The following TPGS2 variants were observed in gnomAD, a reference collection of about 807,000 sequenced individuals.
TPGS2 encodes polyglutamylase subunit 2.
TPGS2 carries 26 observed loss-of-function variants against 31.1 expected under a neutral mutation model. The ratio of observed to expected loss-of-function variants is 0.84; its 90% CI spans 0.61 to 1.16. The LOEUF is 1.16. TPGS2 is among the 50% of genes most tolerant of loss of function. TPGS2 has a pLI of 0.00. For missense variants in TPGS2, 351 were observed against 363.8 expected (o/e 0.96, Z 0.29); for synonymous variants, 130 against 136.6 (o/e 0.95, Z 0.34).
chr18:36,798,607 A>C lies in TPGS2; in HGVS notation c.499T>G (p.Leu167Val). ...CLVYKSGKPALAEDTEIWFLD... is the reference protein window; with the variant it reads ...CLVYKSGKPAVAEDTEIWFLD... ...AACCAGATCTCAGTGTCTTCTGCTA[A>C]TGCTGAAGTAGAAGACAAAGGAAGT... The change falls in exon 6 of 7, where the codon TTA becomes GTA. Residue 167 changes from leucine to valine, a missense_variant and splice_region_variant. Transcript: ENST00000334295. 1 of 1,612,694 alleles carries C rather than the reference A, an allele frequency of 6.2e-7. No individual in the cohort carries two copies. Among genetic ancestry groups the C allele is most frequent in the South Asian group, 1.1e-5 (1 of 90,970 alleles).
chr18:36,786,882 C>T (rs1030882651), intron 6 of TPGS2: 38 of 1,234,210 alleles, frequency 3.1e-5, no homozygotes, highest in Middle Eastern at 2.1e-4. Flanking sequence ...GGAATGATTG[C>T]GACACTGTTG....
chr18:36,822,785 A>G (rs555344255), intron 1 of TPGS2, among the ~76,000 whole-genome samples: 5 of 152,054 alleles, frequency 3.3e-5, no homozygotes, highest in Non-Finnish European at 5.9e-5. Flanking sequence ...TTTTGTAGAG[A>G]CAGGGGTCTC....
rs751981137 is a variant in TPGS2 at position 36,795,147 on chromosome 18, C to G, written c.*1658G>C. On this transcript the variant is annotated 3_prime_UTR_variant, in exon 7 of 7. Transcript: ENST00000334295. ...GGAAAGTGGTAGGTGGAGGAGATATCGAAGGCGCTTTCTCATGAATATCTA... is the reference window on the plus strand; with the variant it reads ...GGAAAGTGGTAGGTGGAGGAGATATGGAAGGCGCTTTCTCATGAATATCTA... 2 of 985,248 alleles carry G rather than the reference C, an allele frequency of 2.0e-6. No homozygotes were observed. The highest frequency in any genetic ancestry group is 6.1e-5 in the Admixed American group (1 of 16,264). The allele number at this position is 985,248 out of a possible 1,614,324, so 61.0% of individuals were successfully genotyped here.
At chr18:36,786,734 G>T (rs2044140059) in intron 6 of TPGS2, 1 of 1,109,686 alleles carries the variant, frequency 9.0e-7, no homozygotes, top group Non-Finnish European at 1.1e-6. Flanking sequence ...TCCTGTTATG[G>T]TCAGAAACTC....
Position 36,807,896 on chromosome 18 carries a change from A to G in TPGS2, c.204T>C (p.Phe68=), listed in dbSNP as rs1177198827. 1.9e-6 allele frequency: 3 copies of G among 1,614,032 alleles called. No homozygotes were observed. Among genetic ancestry groups the G allele is most frequent in the African/African-American group, 2.7e-5 (2 of 74,922 alleles). Residue 68 remains phenylalanine, a synonymous_variant, in exon 3 of 7, where the codon TTT becomes TTC. Coordinates refer to ENST00000334295, the MANE Select transcript of TPGS2 (RefSeq NM_015476.4). ...TGTGGAAGCCATTGGTCATCAGGTA[A>G]AAGTTCTTCACATCTTCAGGCATCA... is the stretch of plus-strand genomic sequence containing the variant. The part of the protein sequence containing the change: ...NCVMPEDVKN[F]YLMTNGFHMT...
Position 36,796,560 on chromosome 18 carries a change from T to C in TPGS2, c.*245A>G. 7.7e-7 allele frequency: 1 copy of C among 1,306,888 alleles called. No homozygotes were observed. The highest frequency in any genetic ancestry group is 2.3e-5 in the South Asian group (1 of 43,760). The allele number at this position is 1,306,888 out of a possible 1,614,324, so 81.0% of individuals were successfully genotyped here. A position where few individuals can be genotyped will look rare whatever the true frequency, so the allele number is the denominator to read the frequency against. On this transcript the variant is annotated 3_prime_UTR_variant, in exon 7 of 7. Transcript: ENST00000334295. ...TGAAGAAGAGGAAAGCACTCAGACT[T>C]ATTTGGGCACTTACACAAGATTCCA...
chr18:36,818,793 T>A (rs1229738206), intron 2 of TPGS2, 101 bp downstream of exon 2: 1 of 1,064,252 alleles, frequency 9.4e-7, no homozygotes, highest in Admixed American at 2.2e-5. Context: ...AAAGCAGCTG[T>A]GGTCTGAGTA....
At chr18:36,805,672 C>T (rs535625339) in intron 3 of TPGS2, among the ~76,000 whole-genome samples, 170 bp from the exon 4 acceptor site, 15 of 152,188 alleles carry the variant, frequency 9.9e-5, no homozygotes, top group Middle Eastern at 3.4e-3. Flanking sequence ...TCCAAAGTAC[C>T]AACCTTTCAT....
At chr18:36,801,756 CTT>C (rs35090131) in intron 4 of TPGS2, among the ~76,000 whole-genome samples, 18,321 of 152,078 alleles carry the variant, frequency 0.12, 1,360 homozygotes, top group Admixed American at 0.17. Context: ...ATGATTTTCT[CTT>C]TATCTTTGAT....
chr18:36,815,279 G>C (rs1245113963), intron 2 of TPGS2, among the ~76,000 whole-genome samples: 2 of 152,208 alleles, frequency 1.3e-5, no homozygotes, highest in East Asian at 3.9e-4. Context: ...AGTGAGACAA[G>C]CGAGTTACAG....
At chr18:36,815,409 T>A (rs1268923912) in intron 2 of TPGS2, among the ~76,000 whole-genome samples, 1 of 152,178 alleles carries the variant, frequency 6.6e-6, no homozygotes, top group Non-Finnish European at 1.5e-5. Context: ...TTAAACTTTT[T>A]GGGGTTATGA....
intron 6 of TPGS2, among the ~76,000 whole-genome samples, chr18:36,797,276 G>C (rs1250897598): frequency 6.6e-6 from 1 of 152,126 alleles, no homozygotes; most frequent in Non-Finnish European, 1.5e-5. Flanking sequence ...GGACCTTTAA[G>C]ATAAATGCAG....
chr18:36,796,278 G>A lies in TPGS2; in HGVS notation c.*527C>T. The A allele has an allele frequency of 1.2e-5, 12 of 985,040 alleles. No individual in the cohort carries two copies. The highest frequency in any genetic ancestry group is 1.4e-5 in the Non-Finnish European group (12 of 829,560). The allele number at this position is 985,040 out of a possible 1,614,324, so 61.0% of individuals were successfully genotyped here. ...TATTCTAATGCAGTGCTGTCCAACAGAACTTTCTGTGGTGATGGAAATGTT... is the reference window on the plus strand; with the variant it reads ...TATTCTAATGCAGTGCTGTCCAACAAAACTTTCTGTGGTGATGGAAATGTT... On this transcript the variant is annotated 3_prime_UTR_variant, in exon 7 of 7. Coordinates refer to ENST00000334295, the MANE Select transcript of TPGS2 (RefSeq NM_015476.4).
At chr18:36,819,457 T>C (rs1435621748) in intron 1 of TPGS2, among the ~76,000 whole-genome samples, 1 of 152,160 alleles carries the variant, frequency 6.6e-6, no homozygotes, top group Non-Finnish European at 1.5e-5. Context: ...TGGGTTAACA[T>C]AAAAAATGGA....
intron 2 of TPGS2, among the ~76,000 whole-genome samples, chr18:36,815,982 C>T (rs888266753): frequency 6.6e-6 from 1 of 152,122 alleles, no homozygotes; most frequent in African/African-American, 2.4e-5. Flanking sequence ...TGCACGACCA[C>T]ACCTTGTTTG....
intron 1 of TPGS2, among the ~76,000 whole-genome samples, chr18:36,821,426 T>C (rs965880243): frequency 2.0e-5 from 3 of 152,208 alleles, no homozygotes; most frequent in African/African-American, 7.2e-5. Flanking sequence ...AGTTAATTGT[T>C]GTTTCAAGCA....
chr18:36,816,847 T>C (rs1473675785), intron 2 of TPGS2, among the ~76,000 whole-genome samples: 1 of 152,178 alleles, frequency 6.6e-6, no homozygotes, highest in African/African-American at 2.4e-5. Flanking sequence ...GACCTCGTGA[T>C]CTGCCTGCCT....
In TPGS2 at chr18:36,786,890, T is replaced by C. The variant is rs631217; in HGVS notation, c.658-3759A>G. 5,704 of 1,234,350 alleles carry C rather than the reference T, an allele frequency of 4.6e-3. 161 individuals are homozygous for C. In the African/African-American group the frequency reaches 0.069, roughly 15 times the overall value. The allele number at this position is 1,234,350 out of a possible 1,614,324, so 76.5% of individuals were successfully genotyped here. ...TAACTGAGGAATGATTGCGACACTG[T>C]TGTTCCCATGCTGTTGGATTGGCGC... On this transcript the variant is annotated intron_variant, in intron 6 of 6. Coordinates refer to the TPGS2 transcript ENST00000587129.
downstream of TPGS2, among the ~76,000 whole-genome samples, chr18:36,793,251 A>T (rs938825911): frequency 4.6e-5 from 7 of 152,240 alleles, no homozygotes; most frequent in Non-Finnish European, 7.3e-5. Context: ...ACATATATCC[A>T]GTGTTCCTTA....
Sources: allele counts gnomAD v4.1 joint callset (sites outside exome capture counted in the v4.1 genomes callset), GRCh38; gene constraint gnomAD v4.1.1; transcripts MANE v1.5; gene names NCBI Gene and HGNC (gene_info 2026-07-23, HGNC 2026-07-21).